The following TBC1D8B variants were observed in gnomAD, a reference collection of about 807,000 sequenced individuals.
The protein encoded by TBC1D8B is TBC1 domain family member 8B, also known as RP11-321G1.1.
TBC1D8B carries 75 observed loss-of-function variants against 82.9 expected under a neutral mutation model. The observed-to-expected ratio is 0.90, with a 90% CI of 0.75 to 1.10. The LOEUF (loss-of-function observed/expected upper bound fraction) is 1.10. Ranked by LOEUF, TBC1D8B falls within the 50% of genes least tolerant of loss-of-function variation. TBC1D8B has a pLI of 0.00. For missense variants in TBC1D8B, 794 were observed against 796.9 expected, an observed-to-expected ratio of 1.00 and a Z score of 0.04; for synonymous variants, 276 against 276.8, an observed-to-expected ratio of 1.00 and a Z score of 0.03.
At chrX:106,861,130 T>G (rs1932770263) in intron 14 of TBC1D8B, among the ~76,000 whole-genome samples, 1 of 112,047 alleles carries the variant, frequency 8.9e-6, no homozygotes, top group African/African-American at 3.2e-5. Context: ...TGCTGAGGAT[T>G]GTTTTATGTC....
At chrX:106,844,235 G>A (rs183370170) in intron 10 of TBC1D8B, among the ~76,000 whole-genome samples, 2 of 108,909 alleles carry the variant, frequency 1.8e-5, no homozygotes, top group East Asian at 5.8e-4. Flanking sequence ...TAGAACCTTC[G>A]GTACAATGTT....
At chrX:106,857,278 G>A (rs1257642464) in intron 14 of TBC1D8B, among the ~76,000 whole-genome samples, 1 of 110,424 alleles carries the variant, frequency 9.1e-6, no homozygotes, top group African/African-American at 3.3e-5. Context: ...TCAGCCTCCC[G>A]AGTAGCTGGG....
At chrX:106,810,106 A>T (rs990705318) in intron 1 of TBC1D8B, among the ~76,000 whole-genome samples, 12 of 111,658 alleles carry the variant, frequency 1.1e-4, no homozygotes, top group African/African-American at 3.3e-4. Context: ...TGCTTATCTG[A>T]AGTCCTGTTA....
chrX:106,822,250 C>T (rs894929763), intron 4 of TBC1D8B, 48 bp downstream of exon 4: 1 of 945,374 alleles, frequency 1.1e-6, no homozygotes, highest in Non-Finnish European at 1.5e-6. Context: ...GCTGTCTGAC[C>T]TACCAACTCT....
Position 106,850,004 on chromosome X carries a change from ACTT to A in TBC1D8B, c.1838-17_1838-15del. On this transcript the variant is annotated intron_variant, in intron 11 of 20. Transcript: ENST00000357242. Reference sequence around the variant, plus strand: ...CCTTTTGAAAAATGTTTATTTTTAAACTTCTTTTGATATTCTGTAGGTGCCTTG... The same window carrying A: ...CCTTTTGAAAAATGTTTATTTTTAAACTTTTGATATTCTGTAGGTGCCTTG... The A allele has an allele frequency of 8.7e-7, 1 of 1,151,975 alleles. No individual in the cohort carries two copies. The highest frequency in any genetic ancestry group is 1.1e-6 in the Non-Finnish European group (1 of 869,749). 94.9% of individuals were successfully genotyped at this position (1,151,975 alleles called of 1,213,427 possible).
In TBC1D8B at chrX:106,866,878, T is replaced by C. The variant is rs768148440; in HGVS notation, c.2728+16T>C. ...ATTCCTCCAGGTAAGAGTTTACCAG[T>C]CTTTAACGATGTACAGCAGGAATTT... On this transcript the variant is annotated intron_variant, in intron 17 of 20. Coordinates refer to ENST00000357242, the MANE Select transcript of TBC1D8B (RefSeq NM_017752.3). The C allele has an allele frequency of 1.8e-6, 2 of 1,116,488 alleles. No individual in the cohort carries two copies. Among genetic ancestry groups the C allele is most frequent in the East Asian group, 6.2e-5 (2 of 32,158 alleles). 92.0% of individuals were successfully genotyped at this position (1,116,488 alleles called of 1,213,427 possible).
intron 10 of TBC1D8B, among the ~76,000 whole-genome samples, chrX:106,843,027 CTTCT>C (rs1395246756): frequency 9.0e-6 from 1 of 111,597 alleles, no homozygotes; most frequent in Non-Finnish European, 1.9e-5. Context: ...TGTATCAGGA[CTTCT>C]TTCTTATGAT....
chrX:106,828,853 C>T (rs1381952467), intron 7 of TBC1D8B: 1 of 107,888 alleles, frequency 9.3e-6, no homozygotes, highest in Admixed American at 9.7e-5. Flanking sequence ...TGGGCAAAAA[C>T]TGGAAGCATT....
Position 106,848,283 on chromosome X carries a change from A to G in TBC1D8B, c.1817A>G (p.Tyr606Cys). ...GTATGTGAACGAATGTTGCCTGATT[A>G]TTTTAATCGTCGAATTATTGGTAAA... The part of the protein sequence containing the change: ...VAVCERMLPD[Y>C]FNRRIIGALV... The change falls in exon 11 of 21, where the codon TAT becomes TGT. Residue 606 changes from tyrosine to cysteine, a missense_variant. By Grantham distance (194) the Tyr-to-Cys change is radical (BLOSUM62 -2). Transcript: ENST00000357242. 8.4e-7 allele frequency: 1 copy of G among 1,186,211 alleles called. No homozygotes were observed. The highest frequency in any genetic ancestry group is 1.1e-6 in the Non-Finnish European group (1 of 878,599).
chrX:106,843,962 AT>A (rs1211519583), intron 10 of TBC1D8B, among the ~76,000 whole-genome samples: 3 of 111,007 alleles, frequency 2.7e-5, no homozygotes, highest in African/African-American at 9.8e-5. Flanking sequence ...AAGTATTTTA[AT>A]TTTTTGTTAT....
chrX:106,864,934 A>G, intron 14 of TBC1D8B, among the ~76,000 whole-genome samples: 1 of 111,887 alleles, frequency 8.9e-6, no homozygotes, highest in South Asian at 3.7e-4. Context: ...TGATTTTTTC[A>G]ATAAACCAAC....
chrX:106,858,903 A>G (rs184644931), intron 14 of TBC1D8B, among the ~76,000 whole-genome samples: 61 of 111,653 alleles, frequency 5.5e-4, no homozygotes, highest in Non-Finnish European at 9.8e-4. Flanking sequence ...GAAGGTAGGG[A>G]TCTAGTTTCA....
chrX:106,858,359 G>A (rs980955813), intron 14 of TBC1D8B, among the ~76,000 whole-genome samples: 3 of 111,580 alleles, frequency 2.7e-5, no homozygotes, highest in African/African-American at 6.5e-5. Flanking sequence ...TGCAAGCTCC[G>A]CCTCCCAGGT....
chrX:106,869,496 G>T lies in TBC1D8B; in HGVS notation c.2824G>T (p.Ala942Ser). The change falls in exon 19 of 21, where the codon GCA (alanine) becomes TCA (serine). Residue 942 changes from alanine (A) to serine (S), a missense_variant. Coordinates refer to ENST00000357242, the MANE Select transcript of TBC1D8B (RefSeq NM_017752.3). Reference protein sequence around the residue: ...YFSQLHVSKPANEKEAESAKH... With the variant: ...YFSQLHVSKPSNEKEAESAKH... Reference sequence around the variant, plus strand: ...ATCTTTTCTTATAGTTTCCAAGCCTGCAAATGAGAAGGAAGCAGAATCAGC... The same window carrying T: ...ATCTTTTCTTATAGTTTCCAAGCCTTCAAATGAGAAGGAAGCAGAATCAGC... 3 of 1,207,543 alleles carry T rather than the reference G, an allele frequency of 2.5e-6. No individual in the cohort carries two copies. Among genetic ancestry groups the T allele is most frequent in the Non-Finnish European group, 3.4e-6 (3 of 892,740 alleles).
At position 106,875,708 on chromosome X, in the gene TBC1D8B, T is replaced by A. The variant is rs1266097739; in HGVS notation, c.*1743T>A. ...ACTGAAGTAGCTCTAGAAAGACACA[T>A]GTATACAAGGCACTATTGTACACAC... On this transcript the variant is annotated 3_prime_UTR_variant, in exon 21 of 21. Transcript: ENST00000357242. 1.8e-5 allele frequency: 2 copies of A among 112,153 alleles called. No individual in the cohort carries two copies. Among genetic ancestry groups the A allele is most frequent in the African/African-American group, 6.5e-5 (2 of 30,919 alleles). 9.2% of individuals were successfully genotyped at this position (112,153 alleles called of 1,213,427 possible).
intron 1 of TBC1D8B, 145 bp from the exon 2 acceptor site, chrX:106,818,518 A>AT: frequency 5.6e-6 from 2 of 358,522 alleles, no homozygotes; most frequent in South Asian, 1.9e-4. Flanking sequence ...TCCCAAATGT[A>AT]TTTTTTCTTT....
At chrX:106,845,462 A>T (rs1303213527) in intron 10 of TBC1D8B, among the ~76,000 whole-genome samples, 1 of 48,986 alleles carries the variant, frequency 2.0e-5, no homozygotes, top group African/African-American at 8.8e-5. Context: ...CCCCCACCCC[A>T]CAACAGTCCC....
chrX:106,860,682 G>C (rs1315660895), intron 14 of TBC1D8B, among the ~76,000 whole-genome samples: 1 of 110,518 alleles, frequency 9.0e-6, no homozygotes, highest in Non-Finnish European at 1.9e-5. Context: ...CCAACTCATG[G>C]ATTCATTGAT....
At position 106,870,732 on chromosome X, in the gene TBC1D8B, T is replaced by C; in HGVS notation, c.2886T>C (p.Asp962=). Residue 962 remains aspartate (D), a synonymous_variant, in exon 20 of 21, where the codon GAT becomes GAC. Coordinates refer to ENST00000357242, the MANE Select transcript of TBC1D8B (RefSeq NM_017752.3). The part of the protein sequence containing the change: ...HSPEKGKGKI[D]IQAYLSQWQD... Reference sequence around the variant, plus strand: ...TTTCTTCAGGCAAAGGGAAAATTGATATTCAAGCATATCTAAGTCAATGGC... The same window carrying C: ...TTTCTTCAGGCAAAGGGAAAATTGACATTCAAGCATATCTAAGTCAATGGC... 8.3e-7 allele frequency: 1 copy of C among 1,202,341 alleles called. No homozygotes were observed. The highest frequency in any genetic ancestry group is 1.8e-5 in the South Asian group (1 of 55,612).
Sources: gnomAD v4.1 joint callset for allele counts (sites outside exome capture counted in the v4.1 genomes callset) on GRCh38, gnomAD v4.1.1 for gene constraint, MANE v1.5 for transcripts, NCBI Gene and HGNC (gene_info 2026-07-23, HGNC 2026-07-21) for gene names.